Variants in TLN2 observed in about 807,000 individuals in gnomAD.
TLN2 encodes talin-2.
TLN2 carries 118 observed loss-of-function variants against 294.7 expected under a neutral mutation model. That is an observed-to-expected ratio of 0.40 (90% confidence interval 0.34 to 0.47). The LOEUF (loss-of-function observed/expected upper bound fraction) is 0.47. TLN2 is among the 20% of genes least tolerant of loss of function. The probability of loss-of-function intolerance (pLI) is 0.84; values close to 1 mark genes in which losing one functional copy is unlikely to be tolerated. For synonymous variants in TLN2, 1,431 were observed against 1,304.5 expected, an observed-to-expected ratio of 1.10 and a Z score of -2.09; for missense variants, 3,083 against 3,282.2, an observed-to-expected ratio of 0.94 and a Z score of 1.48.
chr15:62,699,080 G>A (rs2058547071), intron 16 of TLN2, among the ~76,000 whole-genome samples: 1 of 152,158 alleles, frequency 6.6e-6, no homozygotes, highest in Non-Finnish European at 1.5e-5. Context: ...CCACGGGTGG[G>A]CTGAGAACTT....
At chr15:62,436,937 C>G (rs568325785) in intron 1 of TLN2, among the ~76,000 whole-genome samples, 1 of 152,338 alleles carries the variant, frequency 6.6e-6, no homozygotes, top group African/African-American at 2.4e-5. Context: ...CTATTTTGCC[C>G]AGGATGGTCT....
At chr15:62,649,809 C>G (rs760379079) in intron 4 of TLN2, among the ~76,000 whole-genome samples, 1 of 152,190 alleles carries the variant, frequency 6.6e-6, no homozygotes, top group Non-Finnish European at 1.5e-5. Flanking sequence ...GAAATTTGGA[C>G]TGCTTCTAAA....
intron 1 of TLN2, among the ~76,000 whole-genome samples, chr15:62,551,043 G>A (rs1163423239): frequency 6.6e-6 from 1 of 152,154 alleles, no homozygotes; most frequent in African/African-American, 2.4e-5. Flanking sequence ...GGGAGACAGT[G>A]ACAGATCATC....
In TLN2 at chr15:62,468,754, ATAAAAAT is replaced by A. The variant is rs1191130005; in HGVS notation, c.-238+78070_-238+78076del. Among the ~76,000 whole-genome samples the A allele has an allele frequency of 1.7e-4, 17 of 97,364 alleles. No homozygotes were observed. The East Asian group carries it at 4.5e-3, about 26-fold the overall frequency. 63.9% of individuals were successfully genotyped at this position (97,364 alleles called of 152,430 possible). ...AGCTAGACTCTGTCTCAAAAAAAAA[ATAAAAAT>A]AAAAAAAATACAAAAATAAAAAAAA... On this transcript the variant is annotated intron_variant, in intron 1 of 58. Transcript: ENST00000636159.
chr15:62,716,411 C>A lies in TLN2; in HGVS notation c.2715C>A (p.Asn905Lys). The A allele has an allele frequency of 6.2e-7, 1 of 1,611,638 alleles. No homozygotes were observed. Among genetic ancestry groups the A allele is most frequent in the Non-Finnish European group, 8.5e-7 (1 of 1,179,028 alleles). ...CAGAAGGCCTCCGGGTAGCAACCAA[C>A]GCAGCTGCCCAGAATGCTATTAAGA... is the stretch of plus-strand genomic sequence containing the variant. Reference protein sequence around the residue: ...EAAEGLRVATNAAAQNAIKKK... With the variant: ...EAAEGLRVATKAAAQNAIKKK... The change falls in exon 23 of 59, where the codon AAC becomes AAA. Residue 905 changes from asparagine (N) to lysine (K), a missense_variant. Physicochemically the swap from Asn to Lys is moderately conservative, Grantham distance 94. Coordinates refer to ENST00000636159, the MANE Select transcript of TLN2 (RefSeq NM_015059.3).
At chr15:62,551,168 A>C (rs1287944553) in intron 1 of TLN2, among the ~76,000 whole-genome samples, 1 of 152,078 alleles carries the variant, frequency 6.6e-6, no homozygotes, top group Non-Finnish European at 1.5e-5. Context: ...TAGGAGGCGG[A>C]TCTCAGGTGG....
intron 54 of TLN2, among the ~76,000 whole-genome samples, chr15:62,825,763 TTATATATTATATA>T: frequency 1.2e-5 from 1 of 86,788 alleles, no homozygotes; most frequent in South Asian, 3.0e-4. Context: ...ATAATTATAA[TTATATATTATATA>T]ATATATTATA....
chr15:62,650,911 CCT>C (rs1261847037), intron 5 of TLN2, among the ~76,000 whole-genome samples: 4 of 152,116 alleles, frequency 2.6e-5, no homozygotes, highest in African/African-American at 4.8e-5. Context: ...ACATGTTACC[CCT>C]GTTTGGTCTT....
At chr15:62,694,288 T>A in intron 13 of TLN2, 28 bp from the exon 14 acceptor site, 1 of 1,613,264 alleles carries the variant, frequency 6.2e-7, no homozygotes. Flanking sequence ...GGTTTTCATT[T>A]TTGCATCTTG....
chr15:62,636,584 T>C (rs573433176), intron 3 of TLN2, among the ~76,000 whole-genome samples: 2 of 152,338 alleles, frequency 1.3e-5, no homozygotes, highest in East Asian at 1.9e-4. Flanking sequence ...TTCTTCAAAA[T>C]TGAAGAAAAT....
intron 1 of TLN2, among the ~76,000 whole-genome samples, chr15:62,402,711 C>T (rs898041030): frequency 1.3e-5 from 2 of 152,152 alleles, no homozygotes; most frequent in Non-Finnish European, 2.9e-5. Context: ...TGTTTCTATA[C>T]CCACTTCTCA....
chr15:62,657,159 G>GT (rs1272410188), intron 8 of TLN2, among the ~76,000 whole-genome samples: 1 of 150,866 alleles, frequency 6.6e-6, no homozygotes, highest in East Asian at 2.0e-4. Context: ...AAGGTGGGGG[G>GT]GGGAAGCAAC....
intron 12 of TLN2, among the ~76,000 whole-genome samples, chr15:62,688,917 G>C (rs2057528838): frequency 6.6e-6 from 1 of 151,976 alleles, no homozygotes; most frequent in Non-Finnish European, 1.5e-5. Flanking sequence ...TTCTTGTAGA[G>C]AGCATAATTA....
Position 62,791,936 on chromosome 15 carries a change from T to C in TLN2, c.5737-705T>C, listed in dbSNP as rs1252574972. On this transcript the variant is annotated intron_variant, in intron 45 of 58. Transcript: ENST00000636159. Reference sequence around the variant, plus strand: ...CACAGCGGAGCCCACTTGGCCTCTCTTAGGCAAAGTACCTTTTATAATCAC... The same window carrying C: ...CACAGCGGAGCCCACTTGGCCTCTCCTAGGCAAAGTACCTTTTATAATCAC... Among the ~76,000 whole-genome samples the C allele has an allele frequency of 3.3e-5, 5 of 152,346 alleles. No homozygotes were observed. In the East Asian group the frequency reaches 9.6e-4, roughly 29 times the overall value.
At chr15:62,730,888 T>C (rs1295948568) in intron 28 of TLN2, among the ~76,000 whole-genome samples, 2 of 152,218 alleles carry the variant, frequency 1.3e-5, no homozygotes, top group Admixed American at 6.5e-5. Flanking sequence ...AAATCAACCT[T>C]TGTTTCTTCA....
At chr15:62,542,775 C>A (rs916771382) in intron 1 of TLN2, among the ~76,000 whole-genome samples, 1 of 152,082 alleles carries the variant, frequency 6.6e-6, no homozygotes, top group African/African-American at 2.4e-5. Flanking sequence ...GCCTCACCAT[C>A]ATGCTGTCTT....
chr15:62,624,462 T>G (rs1167492289), intron 3 of TLN2, among the ~76,000 whole-genome samples: 1 of 152,162 alleles, frequency 6.6e-6, no homozygotes, highest in Non-Finnish European at 1.5e-5. Flanking sequence ...GTCTCATAGG[T>G]GATAGGACGC....
intron 51 of TLN2, among the ~76,000 whole-genome samples, chr15:62,806,055 G>A (rs919599369): frequency 3.9e-5 from 6 of 152,084 alleles, no homozygotes. Context: ...AACCAAGTGT[G>A]GTGGTGTGTA....
chr15:62,548,729 T>G (rs1229905727), intron 1 of TLN2, among the ~76,000 whole-genome samples: 2 of 152,194 alleles, frequency 1.3e-5, no homozygotes, highest in Non-Finnish European at 2.9e-5. Flanking sequence ...CTGGTAAACA[T>G]CAACCTCTGG....
Sources: allele counts gnomAD v4.1 joint callset (sites outside exome capture counted in the v4.1 genomes callset), GRCh38; gene constraint gnomAD v4.1.1; transcripts MANE v1.5; gene names NCBI Gene and HGNC (gene_info 2026-07-23, HGNC 2026-07-21).